MICAL3: variants seen among roughly 807,000 people sequenced by gnomAD.
MICAL3 encodes microtubule associated monooxygenase, calponin and LIM domain containing 3.
MICAL3 carries 62 observed loss-of-function variants against 207.4 expected under a neutral mutation model. The ratio of observed to expected loss-of-function variants is 0.30; its 90% CI spans 0.24 to 0.37. The LOEUF is 0.37. Among genes scored for constraint, MICAL3 ranks in the 10% least tolerant of loss-of-function variants. The probability of loss-of-function intolerance (pLI) is 1.00; values close to 1 mark genes in which losing one functional copy is unlikely to be tolerated. For synonymous variants in MICAL3, 1,077 were observed against 1,069.3 expected (o/e 1.01, Z -0.14); for missense variants, 2,368 against 2,635.6 (o/e 0.90, Z 2.22).
chr22:17,901,583 T>C (rs894826034), intron 5 of MICAL3, among the ~76,000 whole-genome samples: 3 of 152,088 alleles, frequency 2.0e-5, no homozygotes, highest in Non-Finnish European at 2.9e-5. Flanking sequence ...GATGGGAGAC[T>C]CGCTTGAGAC....
At chr22:17,864,297 G>T in intron 19 of MICAL3, 1 of 1,086,484 alleles carries the variant, frequency 9.2e-7, no homozygotes, top group Non-Finnish European at 1.1e-6. Context: ...CAAGCCCAGT[G>T]GCCAAGGGGT....
chr22:17,882,733 C>A (rs766405500), intron 16 of MICAL3, among the ~76,000 whole-genome samples: 1 of 152,176 alleles, frequency 6.6e-6, no homozygotes, highest in Non-Finnish European at 1.5e-5. Flanking sequence ...GGGTTCTCAC[C>A]GCTAACGATT....
intron 1 of MICAL3, among the ~76,000 whole-genome samples, chr22:17,938,166 G>C (rs1213314103): frequency 1.3e-5 from 2 of 152,132 alleles, no homozygotes; most frequent in Non-Finnish European, 1.5e-5. Flanking sequence ...GCACAGATGA[G>C]AAAACTCAGG....
rs567670822 is a variant in MICAL3 at position 17,788,686 on chromosome 22, A to C, written c.*2046T>G. 6.6e-6 allele frequency: 1 copy of C among 152,414 alleles called. No homozygotes were observed. The highest frequency in any genetic ancestry group is 2.1e-4 in the South Asian group (1 of 4,828). The allele number at this position is 152,414 out of a possible 1,614,324, so 9.4% of individuals were successfully genotyped here. ...CTTTGCCTCACGTGAGAACAGGTGG[A>C]GAATCAGCGCTGTGGCGGCCACTAG... is the stretch of plus-strand genomic sequence containing the variant. On this transcript the variant is annotated 3_prime_UTR_variant, in exon 32 of 32. Coordinates refer to ENST00000441493, the MANE Select transcript of MICAL3 (RefSeq NM_015241.3).
chr22:17,827,529 C>A, intron 22 of MICAL3, 115 bp downstream of exon 22: 1 of 1,154,168 alleles, frequency 8.7e-7, no homozygotes, highest in South Asian at 1.8e-5. Context: ...GCGCCTGGCT[C>A]CCGTGTGTGA....
At chr22:17,883,646 G>C (rs932895957) in intron 16 of MICAL3, among the ~76,000 whole-genome samples, 3 of 152,192 alleles carry the variant, frequency 2.0e-5, no homozygotes, top group African/African-American at 7.2e-5. Context: ...TTTTCTCTTA[G>C]AAAGCGCATG....
intron 16 of MICAL3, chr22:17,875,636 T>A: frequency 1.3e-6 from 1 of 765,210 alleles, no homozygotes; most frequent in Non-Finnish European, 2.1e-6. Flanking sequence ...CATAAGATGG[T>A]TGTAGAGCCT....
intron 16 of MICAL3, chr22:17,872,840 C>T (rs368725768): frequency 9.5e-5 from 153 of 1,606,886 alleles, no homozygotes; most frequent in East Asian, 7.6e-4. Flanking sequence ...CGCCCGTGTA[C>T]ATCTTTATAT....
chr22:17,899,439 G>T lies in MICAL3; in HGVS notation c.948+9C>A. On this transcript the variant is annotated intron_variant, in intron 7 of 31. Coordinates refer to ENST00000441493, the MANE Select transcript of MICAL3 (RefSeq NM_015241.3). Reference sequence around the variant, plus strand: ...TAAGAAAGAGTTTTGAAGGAAATCCGTGGCTCACATGTAGTATCACTCCTT... The same window carrying T: ...TAAGAAAGAGTTTTGAAGGAAATCCTTGGCTCACATGTAGTATCACTCCTT... The T allele has an allele frequency of 6.4e-7, 1 of 1,561,980 alleles. No homozygotes were observed. The highest frequency in any genetic ancestry group is 8.8e-7 in the Non-Finnish European group (1 of 1,137,302).
chr22:18,006,615 C>T (rs1361243943), intron 1 of MICAL3: 1 of 152,190 alleles, frequency 6.6e-6, no homozygotes, highest in Non-Finnish European at 1.5e-5. Context: ...GGGCAGATCA[C>T]CTGAGGTCAG....
At chr22:17,825,430 C>A (rs1311474503) in intron 22 of MICAL3, among the ~76,000 whole-genome samples, 1 of 152,112 alleles carries the variant, frequency 6.6e-6, no homozygotes, top group African/African-American at 2.4e-5. Flanking sequence ...GAGCCACTGA[C>A]CCGCTCAGCT....
chr22:17,978,056 AT>A (rs1227847199), intron 1 of MICAL3, among the ~76,000 whole-genome samples: 4 of 138,226 alleles, frequency 2.9e-5, no homozygotes, highest in South Asian at 4.4e-4. Flanking sequence ...ATAAAATAAA[AT>A]AAAAAAATAT....
rs1354423355 is a variant in MICAL3, at chr22:17,895,299, G to A, written c.1434C>T (p.Phe478=). ...VTRYPNINVN[F]LRPSQVRHLY... is the part of the protein sequence containing the mutation. Reference sequence around the variant, plus strand: ...AAGGTCTTACCTGGCTTGGCCGGAGGAAGTTGACGTTGATATTGGGATACC... The same window carrying A: ...AAGGTCTTACCTGGCTTGGCCGGAGAAAGTTGACGTTGATATTGGGATACC... The change falls in exon 10 of 32, where the codon TTC becomes TTT. Residue 478 remains phenylalanine (F), a synonymous_variant. Transcript: ENST00000441493. 6.2e-7 allele frequency: 1 copy of A among 1,613,612 alleles called. No homozygotes were observed. The highest frequency in any genetic ancestry group is 2.2e-5 in the East Asian group (1 of 44,896).
intron 1 of MICAL3, among the ~76,000 whole-genome samples, chr22:17,988,916 A>G (rs751715453): frequency 5.3e-5 from 8 of 152,218 alleles, no homozygotes; most frequent in Non-Finnish European, 1.2e-4. Flanking sequence ...GGCTGCCTTC[A>G]CACAACAGCA....
At chr22:17,990,514 T>C (rs1309964575) in intron 1 of MICAL3, among the ~76,000 whole-genome samples, 2 of 152,176 alleles carry the variant, frequency 1.3e-5, no homozygotes, top group Admixed American at 1.3e-4. Context: ...TGAGTAGGAC[T>C]GTTACGCCCT....
chr22:18,022,994 T>C (rs548517801), intron 1 of MICAL3, among the ~76,000 whole-genome samples: 4 of 152,304 alleles, frequency 2.6e-5, no homozygotes, highest in African/African-American at 9.6e-5. Flanking sequence ...CATCCTGAGC[T>C]TCTTGGAGCA....
intron 1 of MICAL3, among the ~76,000 whole-genome samples, chr22:18,016,225 C>G (rs1214861069): frequency 2.0e-5 from 3 of 152,096 alleles, no homozygotes; most frequent in Non-Finnish European, 4.4e-5. Flanking sequence ...AGAAGCATAA[C>G]AGTATAATGG....
At chr22:18,006,039 GTCAA>G (rs1923364228) in intron 1 of MICAL3, 1 of 152,222 alleles carries the variant, frequency 6.6e-6, no homozygotes, top group Admixed American at 6.5e-5. Context: ...TCCAGCCATA[GTCAA>G]TCAAGTTAAT....
At chr22:17,800,512 T>C (rs962694941) in intron 29 of MICAL3, among the ~76,000 whole-genome samples, 1 of 152,174 alleles carries the variant, frequency 6.6e-6, no homozygotes, top group African/African-American at 2.4e-5. Flanking sequence ...GAAATCTTCA[T>C]TCTTTATACT....
Sources: gnomAD v4.1 joint callset for allele counts (sites outside exome capture counted in the v4.1 genomes callset) on GRCh38, gnomAD v4.1.1 for gene constraint, MANE v1.5 for transcripts, NCBI Gene and HGNC (gene_info 2026-07-23, HGNC 2026-07-21) for gene names.